The following TNIK variants were observed in gnomAD, a reference collection of about 807,000 sequenced individuals.
TNIK encodes TRAF2 and NCK-interacting protein kinase.
Under a neutral mutation model 191.3 loss-of-function variants are expected in TNIK, and 49 were observed. The ratio of observed to expected loss-of-function variants is 0.26; its 90% CI spans 0.20 to 0.32. The LOEUF is 0.32. TNIK is among the 10% of genes least tolerant of loss of function. The pLI, the probability that TNIK is intolerant of heterozygous loss-of-function variation, is 1.00. For missense variants in TNIK, 1,155 were observed against 1,702.3 expected (o/e 0.68, Z 5.66); for synonymous variants, 594 against 600.9 (o/e 0.99, Z 0.17).
At chr3:171,204,341 CA>C (rs1739799973) in intron 4 of TNIK, among the ~76,000 whole-genome samples, 1 of 152,186 alleles carries the variant, frequency 6.6e-6, no homozygotes. Flanking sequence ...AGGATTCGTA[CA>C]GATTATAATT....
chr3:171,454,603 C>A (rs571412797), intron 1 of TNIK, among the ~76,000 whole-genome samples: 5 of 152,026 alleles, frequency 3.3e-5, no homozygotes, highest in Non-Finnish European at 7.4e-5. Context: ...ACCAGCACAC[C>A]CTACTTTTTA....
At position 171,125,537 on chromosome 3, in the gene TNIK, T is replaced by A. The variant is rs541807530; in HGVS notation, c.2013+375A>T. On this transcript the variant is annotated intron_variant, in intron 17 of 32. Coordinates refer to ENST00000436636, the MANE Select transcript of TNIK (RefSeq NM_015028.4). ...GTTAAAAATAGGAATACATGGATTTTCTACTTTTTATCTGGAAGTTTTCAA... is the reference window on the plus strand; with the variant it reads ...GTTAAAAATAGGAATACATGGATTTACTACTTTTTATCTGGAAGTTTTCAA... Among the ~76,000 whole-genome samples, 341 of 152,354 alleles carry A rather than the reference T, an allele frequency of 2.2e-3. 2 individuals carry two copies. Among genetic ancestry groups the A allele is most frequent in the African/African-American group, 7.9e-3 (328 of 41,576 alleles).
intron 2 of TNIK, among the ~76,000 whole-genome samples, chr3:171,286,258 T>C (rs1043800228): frequency 5.9e-5 from 9 of 152,182 alleles, no homozygotes; most frequent in Admixed American, 1.3e-4. Context: ...GAGGAGTCCC[T>C]ACTATAGTAC....
intron 2 of TNIK, among the ~76,000 whole-genome samples, chr3:171,303,264 T>C (rs1753074953): frequency 6.6e-6 from 1 of 152,206 alleles, no homozygotes; most frequent in Non-Finnish European, 1.5e-5. Flanking sequence ...CAGCCCTGCC[T>C]CTTTCTATGC....
intron 13 of TNIK, 86 bp from the exon 14 acceptor site, chr3:171,139,642 A>G (rs1215171534): frequency 7.5e-7 from 1 of 1,327,770 alleles, no homozygotes; most frequent in African/African-American, 1.4e-5. Context: ...AAGAGCCGCT[A>G]AGTAAAGTGT....
At chr3:171,167,639 A>T (rs945012968) in intron 9 of TNIK, among the ~76,000 whole-genome samples, 2 of 152,202 alleles carry the variant, frequency 1.3e-5, no homozygotes, top group Non-Finnish European at 2.9e-5. Flanking sequence ...AAATTAGGAG[A>T]AAATCACTCT....
In TNIK at chr3:171,079,629, A is replaced by G. The variant is rs772240552; in HGVS notation, c.3337T>C (p.Tyr1113His). Residue 1113 changes from tyrosine to histidine, a missense_variant, in exon 28 of 33, where the codon TAC (tyrosine) becomes CAC (histidine). Tyr to His is a moderately conservative substitution (Grantham distance 83). Coordinates refer to ENST00000436636, the MANE Select transcript of TNIK (RefSeq NM_015028.4). ...CTGTTTCTTAACCATGAAAGATAGT[A>G]AACTCGTAGCTTATTCTTCTTTCCT... is the stretch of plus-strand genomic sequence containing the variant. ...ISGKKNKLRV[Y>H]YLSWLRNRIL... is the part of the protein sequence containing the mutation. The G allele has an allele frequency of 6.8e-6, 11 of 1,612,226 alleles. No individual in the cohort carries two copies. In the East Asian group the frequency reaches 2.5e-4, roughly 36 times the overall value.
chr3:171,061,139 T>C lies in TNIK; in HGVS notation c.*2742A>G, dbSNP rs1282173391. On this transcript the variant is annotated 3_prime_UTR_variant, in exon 33 of 33. Transcript: ENST00000436636. ...GCCACAAGGACACCATTCTGACGTATTCTGCATGTTCTAGGCCTCCTTATG... is the reference window on the plus strand; with the variant it reads ...GCCACAAGGACACCATTCTGACGTACTCTGCATGTTCTAGGCCTCCTTATG... 1.3e-5 allele frequency among the ~76,000 whole-genome samples: 2 copies of C among 152,154 alleles called. No homozygotes were observed. The highest frequency in any genetic ancestry group is 4.8e-5 in the African/African-American group (2 of 41,432).
intron 2 of TNIK, among the ~76,000 whole-genome samples, chr3:171,367,011 A>C (rs1448070772): frequency 6.6e-6 from 1 of 152,242 alleles, no homozygotes; most frequent in Admixed American, 6.5e-5. Flanking sequence ...ACTGTGAGTC[A>C]GTTAAACCTC....
At chr3:171,098,896 A>C (rs1723076032) in intron 22 of TNIK, among the ~76,000 whole-genome samples, 1 of 152,226 alleles carries the variant, frequency 6.6e-6, no homozygotes, top group South Asian at 2.1e-4. Context: ...AAAAATACAT[A>C]TATTTACAAA....
rs1369194509 is a variant in TNIK at position 171,402,497 on chromosome 3, C to T, written c.58-32812G>A. ...AGTGGACTAAAGAGGGAAACAGGAA[C>T]AGTACTCACAGTTTCCAAAACCAAG... On this transcript the variant is annotated intron_variant, in intron 1 of 32. Transcript: ENST00000436636. Among the ~76,000 whole-genome samples, 3 of 152,198 alleles carry T rather than the reference C, an allele frequency of 2.0e-5. No individual in the cohort carries two copies. In the East Asian group the frequency reaches 5.8e-4, roughly 29 times the overall value.
chr3:171,432,624 A>C (rs1250085618), intron 1 of TNIK, among the ~76,000 whole-genome samples: 2 of 152,190 alleles, frequency 1.3e-5, no homozygotes, highest in Admixed American at 1.3e-4. Flanking sequence ...TAGCCTATGA[A>C]CCATCTAAGT....
At chr3:171,431,440 A>G (rs2108660427) in intron 1 of TNIK, among the ~76,000 whole-genome samples, 1 of 152,266 alleles carries the variant, frequency 6.6e-6, no homozygotes, top group African/African-American at 2.4e-5. Context: ...AATATGCCAA[A>G]ATATTATCAG....
intron 1 of TNIK, among the ~76,000 whole-genome samples, chr3:171,377,602 G>C (rs1405846728): frequency 3.3e-5 from 5 of 152,150 alleles, no homozygotes; most frequent in African/African-American, 9.7e-5. Flanking sequence ...TGAGAAATAG[G>C]TATTACTAAC....
intron 2 of TNIK, among the ~76,000 whole-genome samples, chr3:171,354,499 G>A (rs984880101): frequency 6.6e-6 from 1 of 152,190 alleles, no homozygotes; most frequent in African/African-American, 2.4e-5. Flanking sequence ...GGAGTTCTCT[G>A]TGTCCTTACC....
chr3:171,323,872 TTAA>T (rs1755452764), intron 2 of TNIK, among the ~76,000 whole-genome samples: 1 of 152,152 alleles, frequency 6.6e-6, no homozygotes, highest in Non-Finnish European at 1.5e-5. Context: ...CTCCTTCCAG[TTAA>T]TGTCAAATGG....
intron 2 of TNIK, among the ~76,000 whole-genome samples, chr3:171,317,144 A>G (rs890728947): frequency 2.6e-5 from 4 of 152,060 alleles, no homozygotes; most frequent in African/African-American, 9.7e-5. Flanking sequence ...CCAGGGGAAG[A>G]TGATTAACTA....
intron 2 of TNIK, among the ~76,000 whole-genome samples, chr3:171,296,366 T>TC (rs1371880838): frequency 2.0e-5 from 3 of 152,076 alleles, no homozygotes; most frequent in Non-Finnish European, 2.9e-5. Context: ...AACCTACCCT[T>TC]CCCCCCAACA....
At chr3:171,114,554 TTGAGTAGAAATAGACCA>T (rs1221313450) in intron 18 of TNIK, among the ~76,000 whole-genome samples, 1 of 152,188 alleles carries the variant, frequency 6.6e-6, no homozygotes, top group Non-Finnish European at 1.5e-5. Context: ...AAACATTTGA[TTGAGTAGAAATAGACCA>T]TGACTGTGGA....
Sources: gnomAD v4.1 joint callset for allele counts (sites outside exome capture counted in the v4.1 genomes callset) on GRCh38, gnomAD v4.1.1 for gene constraint, MANE v1.5 for transcripts, NCBI Gene and HGNC (gene_info 2026-07-23, HGNC 2026-07-21) for gene names.